The following PRDM16 variants were observed in gnomAD, a reference collection of about 807,000 sequenced individuals.
PRDM16 encodes the protein histone-lysine N-methyltransferase PRDM16.
A neutral mutation model predicts 110.6 loss-of-function variants in PRDM16; 23 were observed. The observed-to-expected ratio is 0.21, with a 90% CI of 0.15 to 0.29. PRDM16 has a LOEUF of 0.29. PRDM16 is among the 10% of genes least tolerant of loss of function. The pLI is 1.00. For synonymous variants in PRDM16, 799 were observed against 781.8 expected, an observed-to-expected ratio of 1.02 and a Z score of -0.37; for missense variants, 1,615 against 1,794.3, an observed-to-expected ratio of 0.90 and a Z score of 1.81.
chr1:3,390,262 G>A lies in PRDM16; in HGVS notation c.573+4976G>A, dbSNP rs886170248. Among the ~76,000 whole-genome samples the A allele has an allele frequency of 6.6e-6, 1 of 152,182 alleles. No individual in the cohort carries two copies. Among genetic ancestry groups the A allele is most frequent in the African/African-American group, 2.4e-5 (1 of 41,438 alleles). ...AGGGCAAGAATGTTGGTGGTGGGAT[G>A]TCAACTGTCTAGTGGGGCTGAAGAT... On this transcript the variant is annotated intron_variant, in intron 4 of 16. Coordinates refer to ENST00000270722, the MANE Select transcript of PRDM16 (RefSeq NM_022114.4). The surrounding 1 kb of genome is among the most constrained non-coding windows in gnomAD (Gnocchi z 5.0).
chr1:3,234,887 G>A (rs186565480), intron 2 of PRDM16, among the ~76,000 whole-genome samples: 4 of 152,358 alleles, frequency 2.6e-5, no homozygotes, highest in African/African-American at 7.2e-5. Flanking sequence ...GAGGGAGGAC[G>A]GGCCTGCCTG....
At chr1:3,223,735 C>T (rs1023979507) in intron 2 of PRDM16, among the ~76,000 whole-genome samples, 2 of 152,018 alleles carry the variant, frequency 1.3e-5, no homozygotes, top group African/African-American at 2.4e-5. Context: ...AGAGGTCACG[C>T]GATACCAGGG....
At chr1:3,397,555 C>T (rs1231719324) in intron 5 of PRDM16, among the ~76,000 whole-genome samples, 4 of 152,258 alleles carry the variant, frequency 2.6e-5, no homozygotes, top group Non-Finnish European at 5.9e-5. Context: ...ACGCCGGTCC[C>T]TCTGAGCAGA....
intron 4 of PRDM16, among the ~76,000 whole-genome samples, chr1:3,391,638 A>T (rs1042535862): frequency 1.3e-5 from 2 of 152,250 alleles, no homozygotes; most frequent in African/African-American, 4.8e-5. Context: ...CACAATAATA[A>T]AACTTAGGCT....
chr1:3,429,724 C>CA (rs1638713810), intron 14 of PRDM16, among the ~76,000 whole-genome samples: 1 of 152,232 alleles, frequency 6.6e-6, no homozygotes, highest in African/African-American at 2.4e-5. Flanking sequence ...GAACTCTCCT[C>CA]AAGCCCTGAA....
intron 1 of PRDM16, among the ~76,000 whole-genome samples, chr1:3,088,638 T>C (rs544143315): frequency 1.0e-3 from 155 of 150,762 alleles, no homozygotes; most frequent in African/African-American, 3.7e-3. Context: ...GCTAATTTTT[T>C]GTATTTTTTA....
intron 3 of PRDM16, among the ~76,000 whole-genome samples, chr1:3,334,678 A>C (rs1557616403): frequency 1.3e-5 from 2 of 152,146 alleles, no homozygotes; most frequent in Non-Finnish European, 2.9e-5. Flanking sequence ...CTGCTCCACA[A>C]AGCCACCACT....
At position 3,294,103 on chromosome 1, in the gene PRDM16, A is replaced by G. The variant is rs577950682; in HGVS notation, c.438+49966A>G. ...CCCACCTGAGCCTTGGCAGTCAGAA[A>G]TGATGGTACCTACCTAGAACCTGCC... On this transcript the variant is annotated intron_variant, in intron 3 of 16. Transcript: ENST00000270722. Among the ~76,000 whole-genome samples the G allele has an allele frequency of 4.1e-3, 622 of 152,246 alleles. 2 individuals are homozygous for G. Among genetic ancestry groups the G allele is most frequent in the Non-Finnish European group, 6.9e-3 (468 of 68,000 alleles).
At chr1:3,109,812 A>G (rs972953020) in intron 1 of PRDM16, among the ~76,000 whole-genome samples, 2 of 152,224 alleles carry the variant, frequency 1.3e-5, no homozygotes, top group African/African-American at 4.8e-5. Flanking sequence ...GAGAGAATGG[A>G]TGAGTGGCCG....
In PRDM16 at chr1:3,209,420, C is replaced by T. The variant is rs1283013273; in HGVS notation, c.387+22946C>T. Reference sequence around the variant, plus strand: ...GACGGACTGCAGCCAGCCAGCTCTCCCTTCTTCCTGGGGAGGCCTGTGAAG... The same window carrying T: ...GACGGACTGCAGCCAGCCAGCTCTCTCTTCTTCCTGGGGAGGCCTGTGAAG... On this transcript the variant is annotated intron_variant, in intron 2 of 16. Transcript: ENST00000270722. This position sits in a 1 kb window ranked among gnomAD's most constrained non-coding sequence, Gnocchi z 4.6. 6.6e-6 allele frequency among the ~76,000 whole-genome samples: 1 copy of T among 152,192 alleles called. No individual in the cohort carries two copies. The highest frequency in any genetic ancestry group is 1.5e-5 in the Non-Finnish European group (1 of 68,042).
intron 1 of PRDM16, among the ~76,000 whole-genome samples, chr1:3,178,454 A>G (rs1346386750): frequency 6.6e-6 from 1 of 152,168 alleles, no homozygotes; most frequent in African/African-American, 2.4e-5. Flanking sequence ...TGGATGGGAA[A>G]AGTGCTTTGC....
chr1:3,080,928 G>C lies in PRDM16; in HGVS notation c.37+11632G>C, dbSNP rs1309062654. ...CTTCCCGGAGAGCTTGTGTGCCTGA[G>C]AGTGTGTGTGTGTAGAGGGGGTGGC... On this transcript the variant is annotated intron_variant, in intron 1 of 16. Transcript: ENST00000270722. The surrounding 1 kb of genome is among the most constrained non-coding windows in gnomAD (Gnocchi z 5.2). 1.3e-5 allele frequency among the ~76,000 whole-genome samples: 2 copies of C among 152,142 alleles called. No individual in the cohort carries two copies. The highest frequency in any genetic ancestry group is 2.9e-5 in the Non-Finnish European group (2 of 68,032).
In PRDM16 at chr1:3,175,155, GCA is replaced by G. The variant is rs1031172415; in HGVS notation, c.38-10967_38-10966del. ...GAGGGGAGAAGCTATTGCCTTTACC[GCA>G]CAGTTTTAAAGACAGAAGAACAAGA... On this transcript the variant is annotated intron_variant, in intron 1 of 16. Coordinates refer to ENST00000270722, the MANE Select transcript of PRDM16 (RefSeq NM_022114.4). The surrounding 1 kb of genome is among the most constrained non-coding windows in gnomAD (Gnocchi z 4.8). Among the ~76,000 whole-genome samples the G allele has an allele frequency of 6.6e-6, 1 of 152,110 alleles. No homozygotes were observed. The highest frequency in any genetic ancestry group is 2.4e-5 in the African/African-American group (1 of 41,418).
chr1:3,266,374 C>T (rs1640293061), intron 3 of PRDM16, among the ~76,000 whole-genome samples: 1 of 152,178 alleles, frequency 6.6e-6, no homozygotes, highest in South Asian at 2.1e-4. Flanking sequence ...CAATGCGCGC[C>T]GGAGCCTTTT....
chr1:3,141,318 G>A (rs1055133229), intron 1 of PRDM16, among the ~76,000 whole-genome samples: 10 of 152,118 alleles, frequency 6.6e-5, no homozygotes, highest in South Asian at 2.1e-4. Context: ...CATCAATCTC[G>A]CTGGGCTGGG....
rs141990073 is a variant in PRDM16, at chr1:3,214,610, A to G, written c.387+28136A>G. On this transcript the variant is annotated intron_variant, in intron 2 of 16. Transcript: ENST00000270722. ...TACTTGGGAGGCTGAGGCAGGAGAAATGCTTGAGCTCAGGAGGCAGAGGTT... is the reference window on the plus strand; with the variant it reads ...TACTTGGGAGGCTGAGGCAGGAGAAGTGCTTGAGCTCAGGAGGCAGAGGTT... Among the ~76,000 whole-genome samples, 929 of 152,270 alleles carry G rather than the reference A, an allele frequency of 6.1e-3. 10 individuals carry two copies. The highest frequency in any genetic ancestry group is 0.021 in the African/African-American group (875 of 41,568).
chr1:3,102,323 C>T (rs2100620476), intron 1 of PRDM16, among the ~76,000 whole-genome samples: 1 of 152,330 alleles, frequency 6.6e-6, no homozygotes, highest in South Asian at 2.1e-4. Flanking sequence ...TTCCCTGGGG[C>T]TTCTTGGCTC....
chr1:3,406,790 C>T (rs1295983044), intron 8 of PRDM16, among the ~76,000 whole-genome samples: 1 of 152,162 alleles, frequency 6.6e-6, no homozygotes, highest in Admixed American at 6.5e-5. Context: ...AGGGCCGGGT[C>T]CAAGGGGCCT....
At position 3,182,303 on chromosome 1, in the gene PRDM16, C is replaced by T. The variant is rs568799911; in HGVS notation, c.38-3822C>T. ...GCTCGGGCTGCGGGGAAGGGGTCGT[C>T]GTGTTGGTAATCCCCCTCTGAGGGC... On this transcript the variant is annotated intron_variant, in intron 1 of 16. Transcript: ENST00000270722. 4.6e-3 allele frequency among the ~76,000 whole-genome samples: 701 copies of T among 152,320 alleles called. 8 individuals are homozygous for T. The highest frequency in any genetic ancestry group is 0.016 in the African/African-American group (662 of 41,572).
Sources: allele counts gnomAD v4.1 joint callset (sites outside exome capture counted in the v4.1 genomes callset), GRCh38; gene constraint gnomAD v4.1.1; non-coding constraint Gnocchi (gnomAD v3.1); transcripts MANE v1.5; gene names NCBI Gene and HGNC (gene_info 2026-07-23, HGNC 2026-07-21).